Variants in CSGALNACT1 observed in about 807,000 individuals in gnomAD.
CSGALNACT1 encodes beta4GalNAcT-1.
In CSGALNACT1, 52 loss-of-function variants were observed where a neutral mutation model predicts 51.0. The observed-to-expected ratio is 1.02, with a 90% CI of 0.82 to 1.29. The LOEUF (loss-of-function observed/expected upper bound fraction) is 1.29, where lower values mean the gene tolerates loss of function less well. Ranked by LOEUF, CSGALNACT1 falls within the 50% of genes most tolerant of loss-of-function variation. The pLI is 0.00. For synonymous variants in CSGALNACT1, 341 were observed against 254.4 expected (o/e 1.34, Z -3.24); for missense variants, 935 against 679.2 (o/e 1.38, Z -4.19).
At chr8:19,450,308 T>G (rs1158181874) in intron 5 of CSGALNACT1, among the ~76,000 whole-genome samples, 292 of 103,170 alleles carry the variant, frequency 2.8e-3, no homozygotes, top group Middle Eastern at 7.1e-3. Context: ...GGAGGAGGAA[T>G]AGGAGGAGGA....
At chr8:19,408,457 G>C (rs937891835) in intron 9 of CSGALNACT1, among the ~76,000 whole-genome samples, 156 bp downstream of exon 8, 1 of 133,674 alleles carries the variant, frequency 7.5e-6, no homozygotes, top group East Asian at 2.7e-4. Flanking sequence ...ACCGCACCTA[G>C]TCTGGAATAG....
intron 8 of CSGALNACT1, among the ~76,000 whole-genome samples, chr8:19,412,233 GCA>G (rs2055931055): frequency 6.6e-6 from 1 of 152,200 alleles, no homozygotes; most frequent in African/African-American, 2.4e-5. Flanking sequence ...GCAGAGCACT[GCA>G]GGGCATGAAT....
rs4921639 is a variant in CSGALNACT1 at position 19,425,860 on chromosome 8, C to T, written c.954-5342G>A. Among the ~76,000 whole-genome samples, 6 of 152,112 alleles carry T rather than the reference C, an allele frequency of 3.9e-5. No homozygotes were observed. The East Asian group carries it at 7.7e-4, about 20-fold the overall frequency. The stretch of plus-strand genomic sequence containing the variant: ...AATACGCGCTCTGCATCTACTCCTG[C>T]GAACATCACTCGGTCTTTAAGGCCC... On this transcript the variant is annotated intron_variant, in intron 6 of 9. Transcript: ENST00000454498.
At chr8:19,752,791 A>G (rs541511125) in intron 1 of CSGALNACT1, among the ~76,000 whole-genome samples, 2 of 152,358 alleles carry the variant, frequency 1.3e-5, no homozygotes, top group African/African-American at 4.8e-5. Flanking sequence ...GGGTAACTGA[A>G]TGTTATGTTT....
intron 1 of CSGALNACT1, among the ~76,000 whole-genome samples, chr8:19,669,544 C>G (rs934441765): frequency 7.9e-5 from 12 of 152,320 alleles, no homozygotes; most frequent in African/African-American, 2.9e-4. Context: ...TTCTCCCTCC[C>G]AGGTTCAAGC....
intron 6 of CSGALNACT1, among the ~76,000 whole-genome samples, chr8:19,434,094 T>G (rs540664663): frequency 6.6e-6 from 1 of 152,334 alleles, no homozygotes; most frequent in East Asian, 1.9e-4. Flanking sequence ...CTCCAGATTG[T>G]TGCAAACTTT....
At chr8:19,752,567 T>G (rs569357445) in intron 1 of CSGALNACT1, among the ~76,000 whole-genome samples, 18 of 152,278 alleles carry the variant, frequency 1.2e-4, no homozygotes, top group African/African-American at 4.3e-4. Context: ...ACAGAATAGA[T>G]GAACATACCA....
At chr8:19,576,601 G>T (rs1048094387) in intron 3 of CSGALNACT1, among the ~76,000 whole-genome samples, 1 of 151,844 alleles carries the variant, frequency 6.6e-6, no homozygotes, top group African/African-American at 2.4e-5. Context: ...AGTCTTGCTG[G>T]CAGGGACCTC....
chr8:19,408,690 A>C lies in CSGALNACT1; in HGVS notation c.1232T>G (p.Ile411Arg), dbSNP rs772067978. 4 of 1,613,742 alleles carry C rather than the reference A, an allele frequency of 2.5e-6. No individual in the cohort carries two copies. In the South Asian group the frequency reaches 3.3e-5, roughly 13 times the overall value. The change falls in exon 9 of 10, where the codon ATA becomes AGA. Residue 411 changes from isoleucine (I) to arginine (R), a missense_variant. By Grantham distance (97) the Ile-to-Arg change is moderately conservative. Transcript: ENST00000454498. ...TCTCCAAAATCCAGTTTCCTTCTTT[A>C]TGACCTGCAAGAAAAGCACTGTCAT...
intron 4 of CSGALNACT1, among the ~76,000 whole-genome samples, chr8:19,494,237 C>T (rs776936161): frequency 6.6e-6 from 1 of 152,156 alleles, no homozygotes; most frequent in Non-Finnish European, 1.5e-5. Context: ...TCCAGATCAA[C>T]CAGCTTGTGC....
At chr8:19,666,809 AAGAG>A (rs375633259) in intron 1 of CSGALNACT1, among the ~76,000 whole-genome samples, 481 of 25,028 alleles carry the variant, frequency 0.019, 7 homozygotes, top group Non-Finnish European at 0.025. Context: ...GAAAGAAAGA[AAGAG>A]AGAGAGAGAG....
At chr8:19,405,178 G>C (rs1463795599) in exon 10 of CSGALNACT1, 3 of 447,486 alleles carry the variant, frequency 6.7e-6, no homozygotes, top group Non-Finnish European at 8.9e-6. Flanking sequence ...AAAAAACGGA[G>C]ACAGTTAAAA....
chr8:19,454,973 G>A (rs2063819061), intron 5 of CSGALNACT1, among the ~76,000 whole-genome samples: 1 of 152,062 alleles, frequency 6.6e-6, no homozygotes, highest in Admixed American at 6.5e-5. Context: ...AATTCTATAA[G>A]TAGAAATAGA....
intron 1 of CSGALNACT1, among the ~76,000 whole-genome samples, chr8:19,644,139 T>C (rs970583773): frequency 1.3e-5 from 2 of 152,186 alleles, no homozygotes; most frequent in African/African-American, 2.4e-5. Flanking sequence ...ATTTGTGATA[T>C]ATGTTAATGT....
rs375425003 is a variant in CSGALNACT1 at position 19,516,999 on chromosome 8, T to A, written c.-296-10869A>T. On this transcript the variant is annotated intron_variant, in intron 3 of 9. Coordinates refer to ENST00000454498, the Ensembl canonical transcript of CSGALNACT1. ...ACCCACTGCCCACCTGGAGAGGTGG[T>A]TGGTTTTTAGTTGAGATGCCTCAAA... Among the ~76,000 whole-genome samples the A allele has an allele frequency of 3.3e-5, 5 of 152,328 alleles. No homozygotes were observed. In the East Asian group the frequency reaches 9.7e-4, roughly 29 times the overall value.
At chr8:19,451,038 T>G (rs992642612) in intron 5 of CSGALNACT1, among the ~76,000 whole-genome samples, 1 of 152,204 alleles carries the variant, frequency 6.6e-6, no homozygotes, top group African/African-American at 2.4e-5. Flanking sequence ...TTATTCTTAC[T>G]CAGAGATAAC....
At chr8:19,502,850 G>C (rs1201865985) in intron 4 of CSGALNACT1, among the ~76,000 whole-genome samples, 1 of 152,162 alleles carries the variant, frequency 6.6e-6, no homozygotes, top group Non-Finnish European at 1.5e-5. Context: ...GTCCCCAAAT[G>C]TAATTCAGTC....
chr8:19,412,610 A>G (rs2056053684), intron 8 of CSGALNACT1, among the ~76,000 whole-genome samples: 3 of 152,242 alleles, frequency 2.0e-5, no homozygotes, highest in Admixed American at 2.0e-4. Context: ...AACGCCCGTT[A>G]GCAGGGCCGG....
Position 19,667,025 on chromosome 8 carries a change from AAGGAAGG to A in CSGALNACT1, c.-544+15441_-544+15447del, listed in dbSNP as rs1223329717. Among the ~76,000 whole-genome samples the A allele has an allele frequency of 2.8e-3, 117 of 41,640 alleles. 7 individuals are homozygous for A. The highest frequency in any genetic ancestry group is 9.5e-3 in the African/African-American group (74 of 7,774). 27.3% of individuals were successfully genotyped at this position (41,640 alleles called of 152,430 possible). A position where few individuals can be genotyped will look rare whatever the true frequency, so the allele number is the denominator to read the frequency against. ...AAAGAAAGAAAGAAAGAAAGGAAGG[AAGGAAGG>A]AAGGAAGGAAGAAAGAAAGAAAGAA... On this transcript the variant is annotated intron_variant, in intron 1 of 9. Coordinates refer to the CSGALNACT1 transcript ENST00000332246.
Sources: allele counts gnomAD v4.1 joint callset (sites outside exome capture counted in the v4.1 genomes callset), GRCh38; gene constraint gnomAD v4.1.1; transcripts MANE v1.5; gene names NCBI Gene and HGNC (gene_info 2026-07-23, HGNC 2026-07-21).